WWOX: variants seen among roughly 807,000 people sequenced by gnomAD.
The protein encoded by WWOX is WW domain containing oxidoreductase.
WWOX carries 69 observed loss-of-function variants against 46.2 expected under a neutral mutation model. The observed-to-expected ratio is 1.49, with a 90% CI of 1.23 to 1.82. WWOX has a LOEUF of 1.82. Ranked by LOEUF, WWOX falls within the 40% of genes most tolerant of loss-of-function variation. The probability of loss-of-function intolerance (pLI) is 0.00; values close to 1 mark genes in which losing one functional copy is unlikely to be tolerated. For missense variants in WWOX, 919 were observed against 542.6 expected (o/e 1.69, Z -6.89); for synonymous variants, 359 against 202.6 (o/e 1.77, Z -6.56).
intron 8 of WWOX, among the ~76,000 whole-genome samples, chr16:78,639,564 A>G (rs2046653882): frequency 8.0e-6 from 1 of 124,836 alleles, no homozygotes; most frequent in Middle Eastern, 4.0e-3. Flanking sequence ...AGGGGCACAG[A>G]TTGGATTTTT....
chr16:79,112,215 G>A (rs544751802), intron 8 of WWOX, among the ~76,000 whole-genome samples: 169 of 152,050 alleles, frequency 1.1e-3, no homozygotes, highest in Admixed American at 2.0e-3. Context: ...ATGCCAAACA[G>A]ACTCTTGGTT....
chr16:79,070,236 T>C lies in WWOX; in HGVS notation c.1057-141372T>C, dbSNP rs539379276. 2.0e-5 allele frequency among the ~76,000 whole-genome samples: 3 copies of C among 151,730 alleles called. No homozygotes were observed. The South Asian group carries it at 6.3e-4, about 32-fold the overall frequency. On this transcript the variant is annotated intron_variant, in intron 8 of 8. Coordinates refer to ENST00000566780, the MANE Select transcript of WWOX (RefSeq NM_016373.4). ...CCACACTTGGTCTGAGAGAACATCA[T>C]GCTCCAGTTTGTTCTTAGGAATGTG... is the stretch of plus-strand genomic sequence containing the variant.
intron 8 of WWOX, chr16:79,101,494 C>A (rs2049192292): frequency 1.3e-5 from 2 of 152,280 alleles, no homozygotes; most frequent in South Asian, 4.1e-4. Flanking sequence ...AATGCCTACT[C>A]CCTATTCCCA....
rs143096780 is a variant in WWOX at position 78,343,041 on chromosome 16, A to G, written c.517-43819A>G. 2.3e-3 allele frequency among the ~76,000 whole-genome samples: 284 copies of G among 121,324 alleles called. 85 individuals carry two copies. The highest frequency in any genetic ancestry group is 3.5e-3 in the Non-Finnish European group (175 of 50,576). 79.6% of individuals were successfully genotyped at this position (121,324 alleles called of 152,430 possible). On this transcript the variant is annotated intron_variant, in intron 5 of 8. Transcript: ENST00000566780. ...ATTTGTATTTCCTTTGACGTGAACC[A>G]TGGCCATCCAGTAGGCCACGCAACA...
rs550795566 is a variant in WWOX at position 78,800,489 on chromosome 16, C to G, written c.1056+367737C>G. 2.0e-5 allele frequency among the ~76,000 whole-genome samples: 3 copies of G among 152,270 alleles called. No individual in the cohort carries two copies. The East Asian group carries it at 5.8e-4, about 29-fold the overall frequency. The stretch of plus-strand genomic sequence containing the variant: ...AGTGGTATCCACACTTCTTCTTTCT[C>G]CTACGAATTTGGAGGTCTAGGAACG... On this transcript the variant is annotated intron_variant, in intron 8 of 8. Transcript: ENST00000566780.
intron 8 of WWOX, among the ~76,000 whole-genome samples, chr16:79,103,965 G>C (rs1199555565): frequency 7.2e-6 from 1 of 138,900 alleles, no homozygotes; most frequent in Non-Finnish European, 1.5e-5. Context: ...TAGGAATGGG[G>C]AGATTTATGT....
intron 8 of WWOX, among the ~76,000 whole-genome samples, chr16:78,644,772 C>T (rs546634163): frequency 2.8e-4 from 42 of 152,294 alleles, no homozygotes; most frequent in African/African-American, 9.6e-4. Flanking sequence ...CAAACCTCGG[C>T]ACTTTTATCC....
chr16:78,450,028 TA>T lies in WWOX; in HGVS notation c.1056+17284del, dbSNP rs553786488. ...TTATGATTTTTTTTAAGCAGGAAGC[TA>T]AAAAAAATAACCACCCGTTACTTTG... On this transcript the variant is annotated intron_variant, in intron 8 of 8. Coordinates refer to ENST00000566780, the MANE Select transcript of WWOX (RefSeq NM_016373.4). Among the ~76,000 whole-genome samples the T allele has an allele frequency of 7.7e-4, 116 of 150,260 alleles. 2 individuals carry two copies. The East Asian group carries it at 0.018, about 23-fold the overall frequency.
At chr16:78,180,888 G>T (rs1415836187) in intron 5 of WWOX, among the ~76,000 whole-genome samples, 1 of 152,176 alleles carries the variant, frequency 6.6e-6, no homozygotes, top group Non-Finnish European at 1.5e-5. Context: ...GTCATCGAGA[G>T]AGAGAAGGTT....
intron 8 of WWOX, chr16:78,825,433 G>A: frequency 2.9e-6 from 1 of 347,032 alleles, no homozygotes; most frequent in South Asian, 2.7e-5. Flanking sequence ...AAATATCTTA[G>A]CCAACAGAAC....
At chr16:78,624,466 C>T (rs2046263684) in intron 8 of WWOX, among the ~76,000 whole-genome samples, 1 of 152,126 alleles carries the variant, frequency 6.6e-6, no homozygotes, top group Non-Finnish European at 1.5e-5. Flanking sequence ...TCTTATTTCC[C>T]ACTTGCAATA....
chr16:78,400,717 G>A (rs1248692329), intron 6 of WWOX, among the ~76,000 whole-genome samples: 1 of 152,126 alleles, frequency 6.6e-6, no homozygotes, highest in East Asian at 1.9e-4. Flanking sequence ...ATTCTGGAGT[G>A]TACACTGGGC....
At chr16:78,343,653 TG>T (rs2081051709) in intron 5 of WWOX, among the ~76,000 whole-genome samples, 1 of 121,038 alleles carries the variant, frequency 8.3e-6, no homozygotes, top group East Asian at 1.9e-4. Flanking sequence ...AGTATATTTC[TG>T]TAAATAGCAC....
intron 5 of WWOX, among the ~76,000 whole-genome samples, chr16:78,323,951 G>A (rs942665268): frequency 6.6e-6 from 1 of 152,170 alleles, no homozygotes; most frequent in Non-Finnish European, 1.5e-5. Flanking sequence ...GCAGCTGGGT[G>A]CTGGGCACTG....
At chr16:79,058,863 T>C (rs2048311759) in intron 8 of WWOX, among the ~76,000 whole-genome samples, 1 of 152,198 alleles carries the variant, frequency 6.6e-6, no homozygotes, top group Admixed American at 6.5e-5. Flanking sequence ...CTCTGGAAAA[T>C]GTGTTTACAG....
chr16:79,145,468 T>C (rs1245323805), intron 8 of WWOX, among the ~76,000 whole-genome samples: 3 of 152,150 alleles, frequency 2.0e-5, no homozygotes, highest in Non-Finnish European at 4.4e-5. Flanking sequence ...TCCCAAAGTG[T>C]TGAGATTACA....
chr16:78,344,644 A>T lies in WWOX; in HGVS notation c.517-42216A>T, dbSNP rs556934737. Among the ~76,000 whole-genome samples the T allele has an allele frequency of 3.3e-5, 4 of 121,634 alleles. No homozygotes were observed. The South Asian group carries it at 7.4e-4, about 22-fold the overall frequency. The allele number at this position is 121,634 out of a possible 152,430, so 79.8% of individuals were successfully genotyped here. ...TGTACAGAAGGGAACCCCAGTTTCAATGAGTACCTATGTGCTGGGCACTTA... is the reference window on the plus strand; with the variant it reads ...TGTACAGAAGGGAACCCCAGTTTCATTGAGTACCTATGTGCTGGGCACTTA... On this transcript the variant is annotated intron_variant, in intron 5 of 8. Coordinates refer to ENST00000566780, the MANE Select transcript of WWOX (RefSeq NM_016373.4).
At chr16:78,544,476 T>A (rs2043974116) in intron 8 of WWOX, among the ~76,000 whole-genome samples, 1 of 152,222 alleles carries the variant, frequency 6.6e-6, no homozygotes, top group Non-Finnish European at 1.5e-5. Flanking sequence ...GTTAAATGAA[T>A]GCCAAAGTCA....
At chr16:78,509,638 G>A (rs1419276568) in intron 8 of WWOX, among the ~76,000 whole-genome samples, 3 of 152,168 alleles carry the variant, frequency 2.0e-5, no homozygotes, top group East Asian at 1.9e-4. Context: ...GTGCTGAAAA[G>A]CAGCGATGGC....
Sources: gnomAD v4.1 joint callset for allele counts (sites outside exome capture counted in the v4.1 genomes callset) on GRCh38, gnomAD v4.1.1 for gene constraint, MANE v1.5 for transcripts, NCBI Gene and HGNC (gene_info 2026-07-23, HGNC 2026-07-21) for gene names.